The following ANKRD36B variants were observed in gnomAD, a reference collection of about 807,000 sequenced individuals.
ANKRD36B encodes the protein ankyrin repeat domain 36B, also known as ankyrin repeat domain-containing protein 36B.
ANKRD36B carries 37 observed loss-of-function variants against 135.7 expected under a neutral mutation model. The ratio of observed to expected loss-of-function variants is 0.27; its 90% CI spans 0.21 to 0.36. ANKRD36B has a LOEUF of 0.36. ANKRD36B is among the 10% of genes least tolerant of loss of function. The pLI, the probability that ANKRD36B is intolerant of heterozygous loss-of-function variation, is 1.00. For synonymous variants in ANKRD36B, 179 were observed against 348.1 expected, an observed-to-expected ratio of 0.51 and a Z score of 5.41; for missense variants, 549 against 1,037.1, an observed-to-expected ratio of 0.53 and a Z score of 6.46.
At chr2:97,586,771 T>G (rs560426072) in intron 1 of ANKRD36B, among the ~76,000 whole-genome samples, 82 of 152,316 alleles carry the variant, frequency 5.4e-4, no homozygotes, top group Non-Finnish European at 9.3e-4. Context: ...TAATAAAAAC[T>G]TATGTATATA....
chr2:97,562,550 T>G (rs993398369), intron 6 of ANKRD36B, among the ~76,000 whole-genome samples: 1 of 152,046 alleles, frequency 6.6e-6, no homozygotes, highest in South Asian at 2.1e-4. Context: ...TTCCATTAAG[T>G]GACTTCCCAC....
At chr2:97,566,893 C>G (rs1323430772) in intron 6 of ANKRD36B, among the ~76,000 whole-genome samples, 6 of 152,126 alleles carry the variant, frequency 3.9e-5, no homozygotes, top group Non-Finnish European at 8.8e-5. Context: ...TATGGGTGCC[C>G]TGTAATTCTG....
At chr2:97,579,315 A>C (rs1201446693) in intron 4 of ANKRD36B, among the ~76,000 whole-genome samples, 2 of 134,510 alleles carry the variant, frequency 1.5e-5, no homozygotes, top group African/African-American at 5.2e-5. Flanking sequence ...TGCTCAGGCC[A>C]CCTATCTACA....
At chr2:97,545,992 G>C (rs1247256295) in intron 22 of ANKRD36B, 131 bp from the exon 23 acceptor site, 3 of 878,952 alleles carry the variant, frequency 3.4e-6, no homozygotes, top group Non-Finnish European at 5.6e-6. Flanking sequence ...CTTCTACTTT[G>C]TGTCTGGGGA....
At chr2:97,573,775 C>G (rs1370779854) in intron 6 of ANKRD36B, among the ~76,000 whole-genome samples, 1 of 152,042 alleles carries the variant, frequency 6.6e-6, no homozygotes, top group African/African-American at 2.4e-5. Context: ...CTGAGAAAAA[C>G]AAGCAATGGG....
chr2:97,583,089 A>T (rs1449932997), intron 3 of ANKRD36B, among the ~76,000 whole-genome samples: 8 of 148,140 alleles, frequency 5.4e-5, no homozygotes, highest in Non-Finnish European at 9.0e-5. Flanking sequence ...TACTAACTTC[A>T]TGGTTTTCAG....
chr2:97,550,572 T>C (rs1184135298), intron 18 of ANKRD36B, among the ~76,000 whole-genome samples: 1 of 151,816 alleles, frequency 6.6e-6, no homozygotes, highest in Non-Finnish European at 1.5e-5. Context: ...TATTCAAGTT[T>C]ATCTCATTTC....
At position 97,545,512 on chromosome 2, in the gene ANKRD36B, T is replaced by G. The variant is rs531648324; in HGVS notation, c.1681+154A>C. Among the ~76,000 whole-genome samples, 18 of 95,878 alleles carry G rather than the reference T, an allele frequency of 1.9e-4. 4 individuals are homozygous for G. Among genetic ancestry groups the G allele is most frequent in the African/African-American group, 5.6e-4 (18 of 32,240 alleles). The allele number at this position is 95,878 out of a possible 152,430, so 62.9% of individuals were successfully genotyped here. ...TTCAGCATGGACAAGGACCACAGCATCAGGGTCACCCGAGAACTTATTACA... is the reference window on the plus strand; with the variant it reads ...TTCAGCATGGACAAGGACCACAGCAGCAGGGTCACCCGAGAACTTATTACA... On this transcript the variant is annotated intron_variant, in intron 24 of 43. Transcript: ENST00000359901.
At chr2:97,543,149 T>C (rs1267593208) in intron 26 of ANKRD36B, among the ~76,000 whole-genome samples, 1 of 152,004 alleles carries the variant, frequency 6.6e-6, no homozygotes, top group East Asian at 1.9e-4. Flanking sequence ...GTAAATGAAG[T>C]TTATCCCAAT....
chr2:97,551,889 A>C (rs1019477819), intron 16 of ANKRD36B, among the ~76,000 whole-genome samples: 11 of 151,944 alleles, frequency 7.2e-5, no homozygotes, highest in Non-Finnish European at 1.3e-4. Flanking sequence ...CACCATTATA[A>C]TACAAACATG....
At chr2:97,565,874 T>G (rs2081387554) in intron 6 of ANKRD36B, among the ~76,000 whole-genome samples, 1 of 151,588 alleles carries the variant, frequency 6.6e-6, no homozygotes, top group South Asian at 2.1e-4. Flanking sequence ...GGTGTGTGTG[T>G]GTGTGTGTGT....
chr2:97,514,941 A>G lies in ANKRD36B; in HGVS notation c.2621+791T>C, dbSNP rs2077747310. ...TTTTTTTGAGAGGGAGTCTCCTACTATCACTGGGCTGGAGTGCACTGGTGC... is the reference window on the plus strand; with the variant it reads ...TTTTTTTGAGAGGGAGTCTCCTACTGTCACTGGGCTGGAGTGCACTGGTGC... On this transcript the variant is annotated intron_variant, in intron 37 of 43. Coordinates refer to ENST00000359901, the MANE Select transcript of ANKRD36B (RefSeq NM_001393939.1). 5.4e-5 allele frequency among the ~76,000 whole-genome samples: 4 copies of G among 74,574 alleles called. 1 individual carries two copies. In the South Asian group the frequency reaches 1.1e-3, roughly 21 times the overall value. 48.9% of individuals were successfully genotyped at this position (74,574 alleles called of 152,430 possible). A position where few individuals can be genotyped will look rare whatever the true frequency, so the allele number is the denominator to read the frequency against.
At chr2:97,530,360 C>A (rs193158909) in intron 35 of ANKRD36B, among the ~76,000 whole-genome samples, 31,853 of 91,674 alleles carry the variant, frequency 0.35, 12,920 homozygotes, top group African/African-American at 0.65. Context: ...ATATGTAGAA[C>A]GCTGCAACTG....
intron 6 of ANKRD36B, among the ~76,000 whole-genome samples, chr2:97,568,671 C>G (rs2081616734): frequency 1.3e-5 from 2 of 152,048 alleles, no homozygotes; most frequent in South Asian, 4.1e-4. Flanking sequence ...TAAAGAAATA[C>G]TGGGAATGGT....
rs374457988 is a variant in ANKRD36B, at chr2:97,578,875, T to C, written c.695+31A>G. 4 of 1,598,782 alleles carry C rather than the reference T, an allele frequency of 2.5e-6. No individual in the cohort carries two copies. In the African/African-American group the frequency reaches 5.4e-5, roughly 21 times the overall value. ...ACAATTATTTTAAACTTCAATTTAG[T>C]GTTCATTAGCCTTTTTACGTAAAGA... On this transcript the variant is annotated intron_variant, in intron 5 of 43. Transcript: ENST00000359901.
rs184233610 is a variant in ANKRD36B, at chr2:97,525,180, C to T, written c.2266-1713G>A. 4.1e-5 allele frequency among the ~76,000 whole-genome samples: 4 copies of T among 97,042 alleles called. 1 individual carries two copies. The highest frequency in any genetic ancestry group is 2.3e-4 in the East Asian group (1 of 4,374). 63.7% of individuals were successfully genotyped at this position (97,042 alleles called of 152,430 possible). On this transcript the variant is annotated intron_variant, in intron 35 of 43. Transcript: ENST00000359901. ...ACACAAATCATGAAACTTTAATTTG[C>T]CACTGTTTGTTTGAACTAAACTTGA...
Position 97,545,758 on chromosome 2 carries a change from G to C in ANKRD36B, c.1609-20C>G, listed in dbSNP as rs114507351. ...TGTAGCCTGAATGGAATTTGAAACA[G>C]AACAGTCAATAAATAAAGTATATTT... On this transcript the variant is annotated intron_variant, in intron 23 of 43. Transcript: ENST00000359901. 66 of 958,578 alleles carry C rather than the reference G, an allele frequency of 6.9e-5. 14 individuals are homozygous for C. The highest frequency in any genetic ancestry group is 5.2e-4 in the African/African-American group (31 of 59,662). 59.4% of individuals were successfully genotyped at this position (958,578 alleles called of 1,614,324 possible). A position where few individuals can be genotyped will look rare whatever the true frequency, so the allele number is the denominator to read the frequency against.
intron 35 of ANKRD36B, among the ~76,000 whole-genome samples, chr2:97,531,805 T>C (rs2078617752): frequency 1.0e-5 from 1 of 96,438 alleles, no homozygotes; most frequent in South Asian, 2.3e-4. Context: ...TGATAGCCAG[T>C]TGGGTTGATT....
At position 97,581,425 on chromosome 2, in the gene ANKRD36B, C is replaced by T. The variant is rs200203620; in HGVS notation, c.451-857G>A. Among the ~76,000 whole-genome samples the T allele has an allele frequency of 6.3e-3, 948 of 151,380 alleles. 5 individuals are homozygous for T. In the East Asian group the frequency reaches 0.1, roughly 16 times the overall value. ...CCTATCTCTTTTTAATTCGGAGAGC[C>T]GGGCTCTGAATTAATAGAGATAGGC... On this transcript the variant is annotated intron_variant, in intron 3 of 43. Coordinates refer to ENST00000359901, the MANE Select transcript of ANKRD36B (RefSeq NM_001393939.1).
Sources: gnomAD v4.1 joint callset for allele counts (sites outside exome capture counted in the v4.1 genomes callset) on GRCh38, gnomAD v4.1.1 for gene constraint, MANE v1.5 for transcripts, NCBI Gene and HGNC (gene_info 2026-07-23, HGNC 2026-07-21) for gene names.